RAB37: variants seen among roughly 807,000 people sequenced by gnomAD.
The protein encoded by RAB37 is ras-related protein Rab-37.
In RAB37, 29 loss-of-function variants were observed where a neutral mutation model predicts 33.1. The observed-to-expected ratio is 0.88, with a 90% confidence interval of 0.65 to 1.20. The LOEUF is 1.20. Ranked by LOEUF, RAB37 falls within the 50% of genes most tolerant of loss-of-function variation. The probability of loss-of-function intolerance (pLI) is 0.00; values close to 1 mark genes in which losing one functional copy is unlikely to be tolerated. For synonymous variants in RAB37, 128 were observed against 119.5 expected, an observed-to-expected ratio of 1.07 and a Z score of -0.47; for missense variants, 299 against 301.1, an observed-to-expected ratio of 0.99 and a Z score of 0.05.
At chr17:74,694,393 G>T (rs1269246169) in intron 1 of RAB37, 1 of 152,204 alleles carries the variant, frequency 6.6e-6, no homozygotes, top group African/African-American at 2.4e-5. Context: ...ATGGGCTCAA[G>T]TCAAGGCGTG....
chr17:74,702,350 C>G (rs1008537792), intron 1 of RAB37, among the ~76,000 whole-genome samples: 1 of 152,162 alleles, frequency 6.6e-6, no homozygotes, highest in Non-Finnish European at 1.5e-5. Context: ...TCCAGCACCA[C>G]CCTTCACTGA....
At chr17:74,732,230 C>T (rs1383237598) in intron 2 of RAB37, among the ~76,000 whole-genome samples, 2 of 152,244 alleles carry the variant, frequency 1.3e-5, no homozygotes, top group Admixed American at 1.3e-4. Flanking sequence ...CCCTCATACA[C>T]ATGCTGCTTC....
intron 5 of RAB37, 62 bp downstream of exon 5, chr17:74,743,402 G>C: frequency 6.4e-7 from 1 of 1,566,390 alleles, no homozygotes; most frequent in Non-Finnish European, 8.8e-7. Context: ...TATGCAGGCT[G>C]GGGTTGCTTC....
At position 74,689,123 on chromosome 17, in the gene RAB37, A is replaced by G. The variant is rs1326980898; in HGVS notation, c.72+17465A>G. 2.0e-5 allele frequency among the ~76,000 whole-genome samples: 3 copies of G among 152,004 alleles called. No individual in the cohort carries two copies. The East Asian group carries it at 5.8e-4, about 29-fold the overall frequency. On this transcript the variant is annotated intron_variant, in intron 1 of 7. Transcript: ENST00000340415. ...AGACCAGCCTGGCCAACATGGTGAA[A>G]CCCTGTCTCTACTAAAAATACAAAA... is the stretch of plus-strand genomic sequence containing the variant.
In RAB37 at chr17:74,681,254, T is replaced by C. The variant is rs9895015; in HGVS notation, c.72+9596T>C. 5.5e-4 allele frequency among the ~76,000 whole-genome samples: 84 copies of C among 152,288 alleles called. 1 individual carries two copies. Among genetic ancestry groups the C allele is most frequent in the Non-Finnish European group, 7.6e-4 (52 of 68,032 alleles). On this transcript the variant is annotated intron_variant, in intron 1 of 7. Coordinates refer to the RAB37 transcript ENST00000340415. The stretch of plus-strand genomic sequence containing the variant: ...GGGGACCAGGTCAAAAGCTTGCAGC[T>C]CTCGAGGCTGCCAACTTCTGGCTCC...
At chr17:74,696,335 A>C in intron 1 of RAB37, 1 of 1,057,112 alleles carries the variant, frequency 9.5e-7, no homozygotes, top group Non-Finnish European at 1.4e-6. Context: ...AGGCTCAGAG[A>C]CAGGGACCTG....
At position 74,729,258 on chromosome 17, in the gene RAB37, C is replaced by T. The variant is rs1366993943; in HGVS notation, c.75C>T (p.Thr25=). 2.5e-6 allele frequency: 4 copies of T among 1,612,782 alleles called. No homozygotes were observed. In the Admixed American group the frequency reaches 5.0e-5, roughly 20 times the overall value. The change falls in exon 2 of 8, where the codon ACC becomes ACT. Residue 25 remains threonine (T), a splice_region_variant and synonymous_variant. Transcript: ENST00000340415. This position sits in a 1 kb window ranked among gnomAD's most constrained non-coding sequence, Gnocchi z 4.2. ...CTCTCTCTATTGTTCCCTTCCAGAC[C>T]ATCCTGGTGGGTGACAGTGGTGTGG... is the stretch of plus-strand genomic sequence containing the variant.
intron 1 of RAB37, among the ~76,000 whole-genome samples, chr17:74,678,207 A>G (rs1052173197): frequency 6.6e-6 from 1 of 152,176 alleles, no homozygotes; most frequent in Non-Finnish European, 1.5e-5. Context: ...CAGGCAATGT[A>G]GTTCCCAGCT....
chr17:74,723,602 G>A lies in RAB37; in HGVS notation c.73-5654G>A, dbSNP rs1415983312. Among the ~76,000 whole-genome samples the A allele has an allele frequency of 4.3e-5, 6 of 139,118 alleles. No homozygotes were observed. In the East Asian group the frequency reaches 1.0e-3, roughly 24 times the overall value. 91.3% of individuals were successfully genotyped at this position (139,118 alleles called of 152,430 possible). A position where few individuals can be genotyped will look rare whatever the true frequency, so the allele number is the denominator to read the frequency against. On this transcript the variant is annotated intron_variant, in intron 1 of 7. Coordinates refer to the RAB37 transcript ENST00000340415. Reference sequence around the variant, plus strand: ...TTTTTTTTTTTTTTTTTTTTGAGACGGAGTCTCACTCTGTCGCCCAGGCTG... The same window carrying A: ...TTTTTTTTTTTTTTTTTTTTGAGACAGAGTCTCACTCTGTCGCCCAGGCTG...
Position 74,700,684 on chromosome 17 carries a change from G to A in RAB37, c.73-28572G>A, listed in dbSNP as rs542092283. On this transcript the variant is annotated intron_variant, in intron 1 of 7. Coordinates refer to the RAB37 transcript ENST00000340415. ...GGAGAATCGCTTGAACCTGGGAGGC[G>A]TAGGTTGCAGTGAGCCGAGATCCTG... Among the ~76,000 whole-genome samples, 8 of 152,128 alleles carry A rather than the reference G, an allele frequency of 5.3e-5. 1 individual carries two copies. In the East Asian group the frequency reaches 7.7e-4, roughly 15 times the overall value.
At chr17:74,679,623 A>G (rs952057295) in intron 1 of RAB37, among the ~76,000 whole-genome samples, 5 of 152,208 alleles carry the variant, frequency 3.3e-5, no homozygotes, top group Non-Finnish European at 7.3e-5. Context: ...TACTTAACAT[A>G]TGCTTTTTCC....
chr17:74,698,650 TGAG>T, intron 1 of RAB37: 1 of 1,457,414 alleles, frequency 6.9e-7, no homozygotes. Context: ...GGGTTTACAA[TGAG>T]TACACATAGA....
intron 1 of RAB37, among the ~76,000 whole-genome samples, chr17:74,707,344 C>T (rs2033601903): frequency 1.3e-5 from 2 of 152,182 alleles, no homozygotes; most frequent in Admixed American, 1.3e-4. Context: ...AGATATTTCT[C>T]AAAAGAGGAG....
Position 74,744,373 on chromosome 17 carries a change from G to A in RAB37, c.432G>A (p.Lys144=), listed in dbSNP as rs754680494. 3.7e-6 allele frequency: 6 copies of A among 1,614,036 alleles called. No individual in the cohort carries two copies. The highest frequency in any genetic ancestry group is 1.7e-5 in the Admixed American group (1 of 60,022). ...TGGTGATCATGCTGCTAGGCAACAA[G>A]GTGAGTGGCTCCGGGGCAGGGTCAG... ...RDVVIMLLGN[K]ADMSSERVIR... The change falls in exon 6 of 9, where the codon AAG becomes AAA. Residue 144 remains lysine, a splice_region_variant and synonymous_variant. Transcript: ENST00000392613. The surrounding 1 kb of genome is among the most constrained non-coding windows in gnomAD (Gnocchi z 4.2).
At chr17:74,708,739 AC>A (rs1321465225) in intron 1 of RAB37, among the ~76,000 whole-genome samples, 1 of 151,978 alleles carries the variant, frequency 6.6e-6, no homozygotes, top group Non-Finnish European at 1.5e-5. Flanking sequence ...ACACGGTGAA[AC>A]CCTGTCTCTA....
At chr17:74,725,524 G>T (rs2034295135) in intron 1 of RAB37, among the ~76,000 whole-genome samples, 1 of 152,152 alleles carries the variant, frequency 6.6e-6, no homozygotes, top group African/African-American at 2.4e-5. Flanking sequence ...CCTAAGGGAG[G>T]TCCTAGGTTT....
At chr17:74,686,662 G>C (rs1422495475) in intron 1 of RAB37, among the ~76,000 whole-genome samples, 1 of 152,178 alleles carries the variant, frequency 6.6e-6, no homozygotes, top group Admixed American at 6.5e-5. Context: ...CCAAAGTGCT[G>C]GGATTACAGG....
intron 1 of RAB37, among the ~76,000 whole-genome samples, chr17:74,684,613 C>T (rs572649125): frequency 6.6e-6 from 1 of 152,008 alleles, no homozygotes; most frequent in South Asian, 2.1e-4. Context: ...CATGACGAAA[C>T]CCTGTCTCTA....
rs746618848 is a variant in RAB37, at chr17:74,729,432, T to G, written c.183+66T>G. Reference sequence around the variant, plus strand: ...AGGACCCCAGCGTGTTTCTGTTGAGTGCCAGCAGGAAACAGGTGGACACTC... The same window carrying G: ...AGGACCCCAGCGTGTTTCTGTTGAGGGCCAGCAGGAAACAGGTGGACACTC... On this transcript the variant is annotated intron_variant, in intron 2 of 7. Coordinates refer to the RAB37 transcript ENST00000340415. The surrounding 1 kb of genome is among the most constrained non-coding windows in gnomAD (Gnocchi z 4.2). The G allele has an allele frequency of 4.4e-4, 481 of 1,102,002 alleles. No homozygotes were observed. The highest frequency in any genetic ancestry group is 5.9e-4 in the Non-Finnish European group (418 of 712,682). 68.3% of individuals were successfully genotyped at this position (1,102,002 alleles called of 1,614,324 possible).
Sources: allele counts gnomAD v4.1 joint callset (sites outside exome capture counted in the v4.1 genomes callset), GRCh38; gene constraint gnomAD v4.1.1; non-coding constraint Gnocchi (gnomAD v3.1); transcripts MANE v1.5; gene names NCBI Gene and HGNC (gene_info 2026-07-23, HGNC 2026-07-21).